TMEM177: variants seen among roughly 807,000 people sequenced by gnomAD.
TMEM177 encodes transmembrane protein 177.
Under a neutral mutation model 14.2 loss-of-function variants are expected in TMEM177, and 4 were observed. The ratio of observed to expected loss-of-function variants is 0.28; its 90% confidence interval spans 0.14 to 0.64. The LOEUF (loss-of-function observed/expected upper bound fraction) is 0.64, where lower values mean the gene tolerates loss of function less well. Ranked by LOEUF, TMEM177 falls within the 30% of genes least tolerant of loss-of-function variation. The probability of loss-of-function intolerance (pLI) is 0.82; values close to 1 mark genes in which losing one functional copy is unlikely to be tolerated. For synonymous variants in TMEM177, 179 were observed against 174.5 expected, an observed-to-expected ratio of 1.03 and a Z score of -0.20; for missense variants, 344 against 405.2, an observed-to-expected ratio of 0.85 and a Z score of 1.30.
the TMEM177 span, among the ~76,000 whole-genome samples, chr2:119,704,000 A>G: frequency 6.6e-6 from 1 of 152,242 alleles, no homozygotes; most frequent in African/African-American, 2.4e-5. Flanking sequence ...ACTCTGACCA[A>G]TGCACATGGT....
chr2:119,700,553 G>A, the TMEM177 span, among the ~76,000 whole-genome samples: 10 of 152,112 alleles, frequency 6.6e-5, no homozygotes, highest in Non-Finnish European at 1.5e-4. Flanking sequence ...TTGCAGATGA[G>A]AAAAATGAGA....
chr2:119,691,082 GA>G (rs1689087310), downstream of TMEM177, among the ~76,000 whole-genome samples: 1 of 152,150 alleles, frequency 6.6e-6, no homozygotes, highest in Non-Finnish European at 1.5e-5. Flanking sequence ...AGGCAGGAAG[GA>G]TCTGGAATCA....
the TMEM177 span, among the ~76,000 whole-genome samples, chr2:119,715,007 A>G: frequency 1.3e-5 from 2 of 152,196 alleles, no homozygotes; most frequent in Admixed American, 6.5e-5. Context: ...TACAAGTGCT[A>G]GGAACCAGGC....
At chr2:119,718,340 C>A in the TMEM177 span, among the ~76,000 whole-genome samples, 1 of 152,212 alleles carries the variant, frequency 6.6e-6, no homozygotes, top group African/African-American at 2.4e-5. Flanking sequence ...CCTCCGTGAA[C>A]ATCCCATCCT....
downstream of TMEM177, among the ~76,000 whole-genome samples, chr2:119,685,041 T>C (rs141944396): frequency 2.8e-4 from 42 of 152,270 alleles, no homozygotes; most frequent in East Asian, 7.9e-3. Context: ...CTAGATCCCT[T>C]GTGAACATTG....
downstream of TMEM177, among the ~76,000 whole-genome samples, chr2:119,690,253 G>T (rs957907161): frequency 6.6e-6 from 1 of 151,982 alleles, no homozygotes; most frequent in Non-Finnish European, 1.5e-5. Flanking sequence ...TTTCCCCTTC[G>T]CTCTCTCCTT....
At position 119,682,095 on chromosome 2, in the gene TMEM177, G is replaced by A; in HGVS notation, c.*306G>A. ...AAGGGCCTGGCACAAAGGGTGCACT[G>A]TAAATAAACAGACATCCCTCCTTCT... is the stretch of plus-strand genomic sequence containing the variant. On this transcript the variant is annotated 3_prime_UTR_variant, in exon 2 of 2. Coordinates refer to ENST00000272521, the MANE Select transcript of TMEM177 (RefSeq NM_030577.3). 4.0e-6 allele frequency: 1 copy of A among 247,634 alleles called. No individual in the cohort carries two copies. The highest frequency in any genetic ancestry group is 8.2e-6 in the Non-Finnish European group (1 of 121,436). 15.3% of individuals were successfully genotyped at this position (247,634 alleles called of 1,614,324 possible). A position where few individuals can be genotyped will look rare whatever the true frequency, so the allele number is the denominator to read the frequency against.
downstream of TMEM177, among the ~76,000 whole-genome samples, chr2:119,687,722 C>A (rs928072228): frequency 9.2e-5 from 14 of 152,198 alleles, no homozygotes; most frequent in Non-Finnish European, 1.9e-4. Context: ...CCAGCACCTT[C>A]ACTGCAGCCT....
chr2:119,696,611 G>A, the TMEM177 span, among the ~76,000 whole-genome samples: 1 of 152,206 alleles, frequency 6.6e-6, no homozygotes, highest in African/African-American at 2.4e-5. Flanking sequence ...GCAGCAGTGG[G>A]ACAAGGGATG....
At chr2:119,688,844 G>A (rs779787302), downstream of TMEM177, among the ~76,000 whole-genome samples, 16 of 152,306 alleles carry the variant, frequency 1.1e-4, no homozygotes, top group African/African-American at 3.4e-4. Flanking sequence ...GACCTGCTGC[G>A]GAGCGGATTT....
chr2:119,714,560 G>T, the TMEM177 span, among the ~76,000 whole-genome samples: 2 of 152,200 alleles, frequency 1.3e-5, no homozygotes, highest in Non-Finnish European at 2.9e-5. Flanking sequence ...GCAGAATCTG[G>T]CTGCTGGAGA....
At chr2:119,691,341 G>C (rs142782526), downstream of TMEM177, among the ~76,000 whole-genome samples, 10 of 152,264 alleles carry the variant, frequency 6.6e-5, no homozygotes, top group South Asian at 2.1e-4. Flanking sequence ...ACCTTGGACA[G>C]TGCCTGGCAC....
At chr2:119,693,942 GCCACACACACATGCAACATACC>G in the TMEM177 span, among the ~76,000 whole-genome samples, 12 of 6,920 alleles carry the variant, frequency 1.7e-3, no homozygotes, top group African/African-American at 5.9e-3. Flanking sequence ...CATCACACAA[GCCACACACACATGCAACATACC>G]ACACACAAAC....
At chr2:119,713,508 A>G in the TMEM177 span, among the ~76,000 whole-genome samples, 1 of 152,122 alleles carries the variant, frequency 6.6e-6, no homozygotes, top group East Asian at 1.9e-4. Context: ...ATTATTCCCC[A>G]TGAGTTTTTA....
chr2:119,685,949 A>G (rs1217925084), downstream of TMEM177: 2 of 521,538 alleles, frequency 3.8e-6, no homozygotes, highest in Non-Finnish European at 6.8e-6. Context: ...CTAACTGAAG[A>G]GAAAGGGACA....
chr2:119,716,024 GGGAAACAGCA>G, the TMEM177 span, among the ~76,000 whole-genome samples: 1 of 152,146 alleles, frequency 6.6e-6, no homozygotes, highest in Non-Finnish European at 1.5e-5. Context: ...AAGTCCACTG[GGGAAACAGCA>G]GGAAACAGAA....
chr2:119,696,788 C>A, the TMEM177 span, among the ~76,000 whole-genome samples: 1 of 150,774 alleles, frequency 6.6e-6, no homozygotes, highest in South Asian at 2.1e-4. Context: ...GAGGCAGGAG[C>A]GGGCCTGGCA....
the TMEM177 span, among the ~76,000 whole-genome samples, chr2:119,694,315 A>T: frequency 6.6e-6 from 1 of 150,894 alleles, no homozygotes; most frequent in African/African-American, 2.4e-5. Context: ...ATACCTCCAC[A>T]CACACCACTC....
chr2:119,691,205 G>A (rs922163419), downstream of TMEM177, among the ~76,000 whole-genome samples: 100 of 152,188 alleles, frequency 6.6e-4, 5 homozygotes, highest in East Asian at 3.9e-4. Context: ...CTAAGATCCC[G>A]GCTCTGCAAC....
Sources: gnomAD v4.1 joint callset for allele counts (sites outside exome capture counted in the v4.1 genomes callset) on GRCh38, gnomAD v4.1.1 for gene constraint, MANE v1.5 for transcripts, NCBI Gene and HGNC (gene_info 2026-07-23, HGNC 2026-07-21) for gene names.